The following COL7A1 variants were observed in gnomAD, a reference collection of about 807,000 sequenced individuals.
COL7A1 encodes the protein collagen alpha-1(VII) chain.
COL7A1 carries 296 observed loss-of-function variants against 456.2 expected under a neutral mutation model. The observed-to-expected ratio is 0.65, with a 90% CI of 0.59 to 0.71. The LOEUF (loss-of-function observed/expected upper bound fraction) is 0.71. COL7A1 is among the 30% of genes least tolerant of loss of function. The probability of loss-of-function intolerance (pLI) is 0.00; values close to 1 mark genes in which losing one functional copy is unlikely to be tolerated. For missense variants in COL7A1, 3,441 were observed against 4,017.2 expected (o/e 0.86, Z 3.88); for synonymous variants, 1,464 against 1,525.9 (o/e 0.96, Z 0.95).
rs1271996362 is a variant in COL7A1, at chr3:48,579,777, C to T, written c.5154+8G>A. 2.5e-6 allele frequency: 4 copies of T among 1,614,038 alleles called. No individual in the cohort carries two copies. The highest frequency in any genetic ancestry group is 1.7e-5 in the Admixed American group (1 of 60,024). On this transcript the variant is annotated splice_region_variant and intron_variant, in intron 58 of 118. Coordinates refer to ENST00000681320, the MANE Select transcript of COL7A1 (RefSeq NM_000094.4). The surrounding 1 kb of genome is among the most constrained non-coding windows in gnomAD (Gnocchi z 4.4). ...TCTTTCTTACCCTCCACCCACAGACCCTAATACCTTCTCTCTGGCTCCAGG... is the reference window on the plus strand; with the variant it reads ...TCTTTCTTACCCTCCACCCACAGACTCTAATACCTTCTCTCTGGCTCCAGG...
Position 48,575,234 on chromosome 3 carries a change from C to G in COL7A1, c.6189G>C (p.Arg2063=). The change falls in exon 75 of 119, where the codon CGG becomes CGC. Residue 2063 remains arginine (R), a synonymous_variant. Coordinates refer to ENST00000681320, the MANE Select transcript of COL7A1 (RefSeq NM_000094.4). The surrounding 1 kb of genome is among the most constrained non-coding windows in gnomAD (Gnocchi z 6.3). The stretch of plus-strand genomic sequence containing the variant: ...GTTCTCCACGTTCTCCTTTCTCTCC[C>G]CGTTCTCCCTGAAATGCAAATAGCG... ...EAGRPGERGE[R]GEKGERGEQG... 2 of 1,614,034 alleles carry G rather than the reference C, an allele frequency of 1.2e-6. No homozygotes were observed. Among genetic ancestry groups the G allele is most frequent in the Non-Finnish European group, 1.7e-6 (2 of 1,179,996 alleles).
At position 48,578,481 on chromosome 3, in the gene COL7A1, G is replaced by C. The variant is rs143037856; in HGVS notation, c.5459C>G (p.Pro1820Arg). Reference sequence around the variant, plus strand: ...TAATCCAGGGGGACCAGAGGGGCCAGGGAGGCCCTGTTCTCCACGGAGGCC... The same window carrying C: ...TAATCCAGGGGGACCAGAGGGGCCACGGAGGCCCTGTTCTCCACGGAGGCC... ...LPGLRGEQGLPGPSGPPGLPG... is the reference protein window; with the variant it reads ...LPGLRGEQGLRGPSGPPGLPG... The change falls in exon 64 of 119, where the codon CCT (proline) becomes CGT (arginine). Residue 1820 changes from proline to arginine, a missense_variant. Around this residue, in one of 3 missense-constraint regions of COL7A1, gnomAD observed 2,084 missense variants for 2,501.3 expected, o/e 0.83. Transcript: ENST00000681320. The surrounding 1 kb of genome is among the most constrained non-coding windows in gnomAD (Gnocchi z 4.7). 1.4e-4 allele frequency: 220 copies of C among 1,612,804 alleles called. No individual in the cohort carries two copies. Among genetic ancestry groups the C allele is most frequent in the Middle Eastern group, 5.7e-4 (3 of 5,226 alleles).
In COL7A1 at chr3:48,590,922, G is replaced by A; in HGVS notation, c.1637-106C>T. 1 of 1,226,880 alleles carries A rather than the reference G, an allele frequency of 8.2e-7. No individual in the cohort carries two copies. The highest frequency in any genetic ancestry group is 1.2e-6 in the Non-Finnish European group (1 of 854,714). The allele number at this position is 1,226,880 out of a possible 1,614,324, so 76.0% of individuals were successfully genotyped here. Reference sequence around the variant, plus strand: ...CAGAGTGAGAAGGGCCATGGGGGTGGGGATGTGGGGTGGTGGGGACCAGAG... The same window carrying A: ...CAGAGTGAGAAGGGCCATGGGGGTGAGGATGTGGGGTGGTGGGGACCAGAG... On this transcript the variant is annotated intron_variant, in intron 13 of 118. Transcript: ENST00000681320. The surrounding 1 kb of genome is among the most constrained non-coding windows in gnomAD (Gnocchi z 4.6).
At position 48,570,651 on chromosome 3, in the gene COL7A1, T is replaced by C. The variant is rs1425753232; in HGVS notation, c.7332A>G (p.Pro2444=). Residue 2444 remains proline, a synonymous_variant, in exon 96 of 119, where the codon CCA becomes CCG. Coordinates refer to ENST00000681320, the MANE Select transcript of COL7A1 (RefSeq NM_000094.4). The surrounding 1 kb of genome is among the most constrained non-coding windows in gnomAD (Gnocchi z 5.5). The stretch of plus-strand genomic sequence containing the variant: ...CACCTCTACTCACCACTGACCCCGG[T>C]GGTCCAGGTGGCCCCAGGGGTCCTG... ...GIPGPLGPPG[P]PGSVGPPGAS... 8.8e-6 allele frequency: 14 copies of C among 1,599,790 alleles called. No individual in the cohort carries two copies. The highest frequency in any genetic ancestry group is 1.1e-5 in the Non-Finnish European group (13 of 1,172,388).
intron 16 of COL7A1, 95 bp from the exon 17 acceptor site, chr3:48,589,813 G>A (rs747736151): frequency 1.3e-6 from 2 of 1,574,188 alleles, no homozygotes; most frequent in Non-Finnish European, 8.7e-7. Flanking sequence ...ACAGGAGACG[G>A]GAATTTGATA....
Position 48,565,800 on chromosome 3 carries a change from G to C in COL7A1, c.8408-132C>G, listed in dbSNP as rs2107629081. 9 of 856,070 alleles carry C rather than the reference G, an allele frequency of 1.1e-5. No individual in the cohort carries two copies. The highest frequency in any genetic ancestry group is 1.7e-5 in the African/African-American group (1 of 59,316). The allele number at this position is 856,070 out of a possible 1,614,324, so 53.0% of individuals were successfully genotyped here. On this transcript the variant is annotated intron_variant, in intron 114 of 118. Transcript: ENST00000681320. This position sits in a 1 kb window ranked among gnomAD's most constrained non-coding sequence, Gnocchi z 4.5. ...TAGCAGGAGAGGGTAACAGGAGAGA[G>C]AGGAAGAGAGAGGGTGGGAGGTAGA...
At position 48,581,627 on chromosome 3, in the gene COL7A1, T is replaced by TG; in HGVS notation, c.4727dup (p.Pro1577ThrfsTer32). ...GGTCTCCAGGAAGAACCAAGCCGGG[T>TG]GGGCCCTGTGGATGGAAGGATAAGA... On this transcript the variant is annotated frameshift_variant, in exon 50 of 119. Coordinates refer to ENST00000681320, the MANE Select transcript of COL7A1 (RefSeq NM_000094.4). LOFTEE classifies it high-confidence loss of function. This position sits in a 1 kb window ranked among gnomAD's most constrained non-coding sequence, Gnocchi z 5.8. The TG allele has an allele frequency of 6.2e-7, 1 of 1,614,150 alleles. No homozygotes were observed. The highest frequency in any genetic ancestry group is 8.5e-7 in the Non-Finnish European group (1 of 1,180,022).
Position 48,585,054 on chromosome 3 carries a change from AG to A in COL7A1, c.3956del (p.Pro1319LeufsTer6). The A allele has an allele frequency of 6.2e-7, 1 of 1,612,888 alleles. No individual in the cohort carries two copies. The highest frequency in any genetic ancestry group is 8.5e-7 in the Non-Finnish European group (1 of 1,179,902). On this transcript the variant is annotated frameshift_variant, in exon 33 of 119. Coordinates refer to ENST00000681320, the MANE Select transcript of COL7A1 (RefSeq NM_000094.4). LOFTEE classifies it high-confidence loss of function. This position sits in a 1 kb window ranked among gnomAD's most constrained non-coding sequence, Gnocchi z 4.5. The stretch of plus-strand genomic sequence containing the variant: ...TGCTCACCTTTAGGCCAGGGGCTCC[AG>A]GGGTCCCAGGATTCCCGGCGCGGCC... ...SPGRAGNPGT[P>X]GAPGLKGSPG...
rs763879839 is a variant in COL7A1 at position 48,566,224 on chromosome 3, G to T, written c.8407+43C>A. The T allele has an allele frequency of 6.3e-7, 1 of 1,578,328 alleles. No individual in the cohort carries two copies. Among genetic ancestry groups the T allele is most frequent in the African/African-American group, 1.3e-5 (1 of 74,634 alleles). ...AGGGGCCTGCCTGCCCTTGCCTAGGGTGCTGGGGTGGAGTGGGAGACTGCG... is the reference window on the plus strand; with the variant it reads ...AGGGGCCTGCCTGCCCTTGCCTAGGTTGCTGGGGTGGAGTGGGAGACTGCG... On this transcript the variant is annotated intron_variant, in intron 114 of 118. Coordinates refer to ENST00000681320, the MANE Select transcript of COL7A1 (RefSeq NM_000094.4). The surrounding 1 kb of genome is among the most constrained non-coding windows in gnomAD (Gnocchi z 5.9).
In COL7A1 at chr3:48,587,906, T is replaced by C; in HGVS notation, c.2744A>G (p.Glu915Gly). ...GQEQSRVLGP[E>G]LSSYHLDGLE... ...CCCGTCCAGGTGATAGCTGCTGAGC[T>C]CGGGCCCCAGGACCCGGGACTGTTC... Residue 915 changes from glutamate (E) to glycine (G), a missense_variant, in exon 22 of 119, where the codon GAG becomes GGG. Coordinates refer to ENST00000681320, the MANE Select transcript of COL7A1 (RefSeq NM_000094.4). This position sits in a 1 kb window ranked among gnomAD's most constrained non-coding sequence, Gnocchi z 6.1. 2 of 1,605,878 alleles carry C rather than the reference T, an allele frequency of 1.2e-6. No individual in the cohort carries two copies. The highest frequency in any genetic ancestry group is 1.7e-6 in the Non-Finnish European group (2 of 1,176,682).
At position 48,571,253 on chromosome 3, in the gene COL7A1, T is replaced by C; in HGVS notation, c.7094A>G (p.Lys2365Arg). Reference protein sequence around the residue: ...EDGQKGAPGPKGFKGDPGVGV... With the variant: ...EDGQKGAPGPRGFKGDPGVGV... ...TCTGGGTACACATACCTTGAAACCT[T>C]TGGGTCCTGGAGCCCCTTTCTGACC... Residue 2365 changes from lysine to arginine, a missense_variant, in exon 93 of 119, where the codon AAA (lysine) becomes AGA (arginine). This residue lies in a region of COL7A1 where 2,084 missense variants were observed against 2,501.3 expected (regional missense o/e 0.83). Transcript: ENST00000681320. The surrounding 1 kb of genome is among the most constrained non-coding windows in gnomAD (Gnocchi z 4.6). The C allele has an allele frequency of 6.2e-7, 1 of 1,614,100 alleles. No individual in the cohort carries two copies. The highest frequency in any genetic ancestry group is 8.5e-7 in the Non-Finnish European group (1 of 1,180,006).
Position 48,578,233 on chromosome 3 carries a change from T to C in COL7A1, c.5532+88A>G. 1 of 1,451,166 alleles carries C rather than the reference T, an allele frequency of 6.9e-7. No homozygotes were observed. Among genetic ancestry groups the C allele is most frequent in the Non-Finnish European group, 9.6e-7 (1 of 1,039,440 alleles). 89.9% of individuals were successfully genotyped at this position (1,451,166 alleles called of 1,614,324 possible). A position where few individuals can be genotyped will look rare whatever the true frequency, so the allele number is the denominator to read the frequency against. ...GCCAGGATGCATGTGTCTACACGTGTGCCTCATGTGTTGCTACAGATCTTG... is the reference window on the plus strand; with the variant it reads ...GCCAGGATGCATGTGTCTACACGTGCGCCTCATGTGTTGCTACAGATCTTG... On this transcript the variant is annotated intron_variant, in intron 65 of 118. Transcript: ENST00000681320. The surrounding 1 kb of genome is among the most constrained non-coding windows in gnomAD (Gnocchi z 4.7).
Position 48,590,800 on chromosome 3 carries a change from C to G in COL7A1, c.1653G>C (p.Leu551=). 6.2e-7 allele frequency: 1 copy of G among 1,613,628 alleles called. No homozygotes were observed. The highest frequency in any genetic ancestry group is 8.5e-7 in the Non-Finnish European group (1 of 1,180,004). The change falls in exon 14 of 119, where the codon CTG becomes CTC. Residue 551 remains leucine, a synonymous_variant. Coordinates refer to ENST00000681320, the MANE Select transcript of COL7A1 (RefSeq NM_000094.4). This position sits in a 1 kb window ranked among gnomAD's most constrained non-coding sequence, Gnocchi z 4.6. The part of the protein sequence containing the change: ...VRSTQGVERT[L]VLPGSQTAFD... ...ATGCTGTCTGACTCCCAGGAAGCACCAGGGTCCGCTCAACCCCTAAGAGAG... is the reference window on the plus strand; with the variant it reads ...ATGCTGTCTGACTCCCAGGAAGCACGAGGGTCCGCTCAACCCCTAAGAGAG...
rs372721823 is a variant in COL7A1 at position 48,573,760 on chromosome 3, T to G, written c.6538-35A>C. On this transcript the variant is annotated intron_variant, in intron 81 of 118. Transcript: ENST00000681320. The surrounding 1 kb of genome is among the most constrained non-coding windows in gnomAD (Gnocchi z 5.5). Reference sequence around the variant, plus strand: ...CGAAAAAGAGTCTGATGAGGGGGAGTTAGCCGCACCCCACCAAGGAAACTG... The same window carrying G: ...CGAAAAAGAGTCTGATGAGGGGGAGGTAGCCGCACCCCACCAAGGAAACTG... 6.2e-7 allele frequency: 1 copy of G among 1,613,158 alleles called. No individual in the cohort carries two copies. The highest frequency in any genetic ancestry group is 8.5e-7 in the Non-Finnish European group (1 of 1,179,776).
chr3:48,564,474 A>T lies in COL7A1; in HGVS notation c.8819-52T>A. ...GTCAGCCATCTGACCTTCCCCGGAG[A>T]CGCTCAGGCAGAGGCACCGCCAAGG... On this transcript the variant is annotated intron_variant, in intron 118 of 118. Transcript: ENST00000681320. The surrounding 1 kb of genome is among the most constrained non-coding windows in gnomAD (Gnocchi z 6.0). The T allele has an allele frequency of 1.9e-6, 3 of 1,610,240 alleles. No homozygotes were observed.
rs376783628 is a variant in COL7A1, at chr3:48,576,676, C to T, written c.5700G>A (p.Gln1900=). The T allele has an allele frequency of 1.2e-6, 2 of 1,604,406 alleles. No individual in the cohort carries two copies. Among genetic ancestry groups the T allele is most frequent in the African/African-American group, 1.3e-5 (1 of 74,832 alleles). Residue 1900 remains glutamine, a splice_region_variant and synonymous_variant, in exon 68 of 119, where the codon CAG becomes CAA. Coordinates refer to ENST00000681320, the MANE Select transcript of COL7A1 (RefSeq NM_000094.4). The part of the protein sequence containing the change: ...GLPGPVGPPG[Q]GFPGVPGGTG... ...TCCCAGAATGACCCAGGACACTCAC[C>T]TGGCCAGGAGGGCCCACTGGCCCTG...
rs1170554438 is a variant in COL7A1 at position 48,568,496 on chromosome 3, T to C, written c.7794+3A>G. On this transcript the variant is annotated splice_donor_region_variant and intron_variant, in intron 105 of 118. Coordinates refer to ENST00000681320, the MANE Select transcript of COL7A1 (RefSeq NM_000094.4). This position sits in a 1 kb window ranked among gnomAD's most constrained non-coding sequence, Gnocchi z 5.2. ...GGCCCCTGTGGGAGCAGGGGCATCT[T>C]ACCGGGTCACCAGGGATCCCTGCTG... The C allele has an allele frequency of 6.2e-7, 1 of 1,604,130 alleles. No individual in the cohort carries two copies.
rs534720557 is a variant in COL7A1, at chr3:48,578,696, A to G, written c.5425-181T>C. On this transcript the variant is annotated intron_variant, in intron 63 of 118. Coordinates refer to ENST00000681320, the MANE Select transcript of COL7A1 (RefSeq NM_000094.4). This position sits in a 1 kb window ranked among gnomAD's most constrained non-coding sequence, Gnocchi z 4.7. ...ATGGGGGCCCCTGCTGAGACTCCCA[A>G]GGGAAGAACCCCCAGGACTTGGAGG... Among the ~76,000 whole-genome samples the G allele has an allele frequency of 5.5e-4, 83 of 152,266 alleles. 1 individual carries two copies. Among genetic ancestry groups the G allele is most frequent in the African/African-American group, 1.9e-3 (78 of 41,556 alleles).
At position 48,567,696 on chromosome 3, in the gene COL7A1, G is replaced by A. The variant is rs375692181; in HGVS notation, c.7983+14C>T. 44 of 1,613,952 alleles carry A rather than the reference G, an allele frequency of 2.7e-5. No individual in the cohort carries two copies. In the Admixed American group the frequency reaches 3.8e-4, roughly 14 times the overall value. ...CACCCGTGGCCCCCTCATTCTGAGC[G>A]TGCCCACACTCACCATCTCTCCTTT... On this transcript the variant is annotated intron_variant, in intron 108 of 118. Transcript: ENST00000681320. The surrounding 1 kb of genome is among the most constrained non-coding windows in gnomAD (Gnocchi z 4.3).
Sources: gnomAD v4.1 joint callset for allele counts (sites outside exome capture counted in the v4.1 genomes callset) on GRCh38, gnomAD v4.1.1 for gene constraint, gnomAD v4.1.1 regional missense constraint, Gnocchi (gnomAD v3.1) non-coding constraint, MANE v1.5 for transcripts, NCBI Gene and HGNC (gene_info 2026-07-23, HGNC 2026-07-21) for gene names.